Variants in LAT observed in about 807,000 individuals in gnomAD.
LAT encodes linker for activation of T-cells family member 1.
LAT carries 12 observed loss-of-function variants against 39.1 expected under a neutral mutation model. The observed-to-expected ratio is 0.31, with a 90% CI of 0.20 to 0.50. LAT has a LOEUF of 0.50. Among genes scored for constraint, LAT ranks in the 20% least tolerant of loss-of-function variants. LAT has a pLI of 0.98. For synonymous variants in LAT, 117 were observed against 123.8 expected (o/e 0.95, Z 0.36); for missense variants, 253 against 308.0 (o/e 0.82, Z 1.34).
chr16:28,985,679 C>A lies in LAT; in HGVS notation c.101-34C>A. 2 of 1,613,626 alleles carry A rather than the reference C, an allele frequency of 1.2e-6. No individual in the cohort carries two copies. Among genetic ancestry groups the A allele is most frequent in the Non-Finnish European group, 1.7e-6 (2 of 1,179,974 alleles). On this transcript the variant is annotated intron_variant, in intron 1 of 11. Transcript: ENST00000395456. This position sits in a 1 kb window ranked among gnomAD's most constrained non-coding sequence, Gnocchi z 4.6. ...CCAGCACCTTCTGCCCTAAGCACCC[C>A]CTGTTCCTGCCTCACCAGCCCTCTC...
intron 9 of LAT, 72 bp from the exon 10 acceptor site, chr16:28,989,702 G>T: frequency 1.3e-6 from 2 of 1,595,616 alleles, no homozygotes; most frequent in Non-Finnish European, 1.7e-6. Flanking sequence ...CCCTCTGTCT[G>T]GGCGTCCCCT....
rs963362178 is a variant in LAT, at chr16:28,990,269, A to G, written c.*88A>G. 5.9e-6 allele frequency: 4 copies of G among 673,144 alleles called. No individual in the cohort carries two copies. Among genetic ancestry groups the G allele is most frequent in the East Asian group, 2.9e-5 (1 of 34,990 alleles). 41.7% of individuals were successfully genotyped at this position (673,144 alleles called of 1,614,324 possible). On this transcript the variant is annotated 3_prime_UTR_variant, in exon 12 of 12. Transcript: ENST00000395456. ...CTGGAAGTGGCTCTGGGGTCCTCAC[A>G]TGGCGTCCTGCCCTTGCTCCAGCCT...
chr16:28,989,635 C>T (rs765075145), intron 9 of LAT, 46 bp downstream of exon 9: 3 of 1,590,102 alleles, frequency 1.9e-6, no homozygotes, highest in South Asian at 2.3e-5. Context: ...ACCCCGCTGC[C>T]CCACCATGCT....
Position 28,985,542 on chromosome 16 carries a change from C to A in LAT, c.100+25C>A. ...GGTGAGTGGGAAACTGGTGGGGGTA[C>A]CCAGGGCCCAGGGACACCGACGGGA... is the stretch of plus-strand genomic sequence containing the variant. On this transcript the variant is annotated intron_variant, in intron 1 of 11. Coordinates refer to ENST00000395456, the MANE Select transcript of LAT (RefSeq NM_001014987.2). The surrounding 1 kb of genome is among the most constrained non-coding windows in gnomAD (Gnocchi z 4.6). The A allele has an allele frequency of 6.2e-7, 1 of 1,609,672 alleles. No individual in the cohort carries two copies. Among genetic ancestry groups the A allele is most frequent in the African/African-American group, 1.3e-5 (1 of 74,966 alleles).
Position 28,990,010 on chromosome 16 carries a change from T to C in LAT, c.700T>C (p.Ter234ArgextTer42). The C allele has an allele frequency of 6.2e-7, 1 of 1,612,954 alleles. No homozygotes were observed. Among genetic ancestry groups the C allele is most frequent in the South Asian group, 1.1e-5 (1 of 90,952 alleles). The change falls in exon 11 of 12, where the codon TGA becomes CGA. Residue 234 changes from the stop codon to arginine, a stop_lost. Coordinates refer to ENST00000395456, the MANE Select transcript of LAT (RefSeq NM_001014987.2). The part of the protein sequence containing the change: ...PDYENLQELN[*>R] ...TTACGAGAATCTGCAGGAGCTGAAC[T>C]GAGGGCCTGGTGAGAGGCCTGCCCT...
rs535225629 is a variant in LAT at position 28,985,912 on chromosome 16, C to A, written c.163+24C>A. On this transcript the variant is annotated intron_variant, in intron 3 of 11. Coordinates refer to ENST00000395456, the MANE Select transcript of LAT (RefSeq NM_001014987.2). The surrounding 1 kb of genome is among the most constrained non-coding windows in gnomAD (Gnocchi z 4.6). ...TCGTGAGTACAAGGAGGGTCCCCTA[C>A]CTTGGGTGCCAGGGAGAGGGTCCCC... 54 of 1,613,178 alleles carry A rather than the reference C, an allele frequency of 3.3e-5. 2 individuals carry two copies. The South Asian group carries it at 5.6e-4, about 17-fold the overall frequency.
At position 28,986,414 on chromosome 16, in the gene LAT, G is replaced by A. The variant is rs149935445; in HGVS notation, c.278G>A (p.Arg93Gln). Residue 93 changes from arginine to glutamine, a missense_variant, in exon 5 of 12, where the codon CGG (arginine) becomes CAG (glutamine). Coordinates refer to ENST00000395456, the MANE Select transcript of LAT (RefSeq NM_001014987.2). The surrounding 1 kb of genome is among the most constrained non-coding windows in gnomAD (Gnocchi z 5.7). ...CCGCAGCCCCTTGGGGGCTCCCACC[G>A]GACGCCATCTTCCCGGCGGGATTCT... ...RSPQPLGGSH[R>Q]TPSSRRDSDG... The A allele has an allele frequency of 6.3e-5, 102 of 1,613,886 alleles. 1 individual carries two copies. Among genetic ancestry groups the A allele is most frequent in the Admixed American group, 5.0e-4 (30 of 60,018 alleles).
At chr16:28,989,210 A>G (rs1310446709) in intron 8 of LAT, 2 of 295,796 alleles carry the variant, frequency 6.8e-6, no homozygotes, top group Non-Finnish European at 1.3e-5. Flanking sequence ...GCCGCACTAC[A>G]TCCCTGCTCC....
upstream of LAT, chr16:28,984,822 G>C: frequency 2.6e-6 from 4 of 1,545,032 alleles, no homozygotes; most frequent in South Asian, 3.6e-5. Flanking sequence ...AATTCCCACT[G>C]TCAGGGCCTC....
Position 28,986,369 on chromosome 16 carries a change from C to G in LAT, c.246-13C>G. On this transcript the variant is annotated splice_polypyrimidine_tract_variant and intron_variant, in intron 4 of 11. Coordinates refer to ENST00000395456, the MANE Select transcript of LAT (RefSeq NM_001014987.2). This position sits in a 1 kb window ranked among gnomAD's most constrained non-coding sequence, Gnocchi z 5.7. ...CCCCACCTCAGGCATGACCCCTGAC[C>G]TTTGACTCCCAGAAGATCCCCGCAG... 1 of 1,613,542 alleles carries G rather than the reference C, an allele frequency of 6.2e-7. No homozygotes were observed. Among genetic ancestry groups the G allele is most frequent in the African/African-American group, 1.3e-5 (1 of 75,036 alleles).
rs780679331 is a variant in LAT, at chr16:28,989,884, C to T, written c.622+45C>T. On this transcript the variant is annotated intron_variant, in intron 10 of 11. Coordinates refer to ENST00000395456, the MANE Select transcript of LAT (RefSeq NM_001014987.2). The stretch of plus-strand genomic sequence containing the variant: ...CAGGAGCTGGGGTAGCTGCTTTGGG[C>T]TTGGGGGGATAGCTTGCAAGCTGGA... The T allele has an allele frequency of 1.9e-6, 3 of 1,613,590 alleles. No homozygotes were observed. The Admixed American group carries it at 5.0e-5, about 27-fold the overall frequency.
At position 28,985,831 on chromosome 16, in the gene LAT, C is replaced by T. The variant is rs182255709; in HGVS notation, c.129-23C>T. 3 of 1,614,110 alleles carry T rather than the reference C, an allele frequency of 1.9e-6. No individual in the cohort carries two copies. The highest frequency in any genetic ancestry group is 1.7e-4 in the Middle Eastern group (1 of 6,060). On this transcript the variant is annotated intron_variant, in intron 2 of 11. Transcript: ENST00000395456. The surrounding 1 kb of genome is among the most constrained non-coding windows in gnomAD (Gnocchi z 4.6). ...CATCCTCCATCTTCCAGCCCCATCC[C>T]CAAGCTGTGTCTCCTTTACCAGTTT...
Position 28,985,121 on chromosome 16 carries a change from G to C in LAT, c.-297G>C. On this transcript the variant is annotated 5_prime_UTR_variant, in exon 1 of 12. Coordinates refer to ENST00000395456, the MANE Select transcript of LAT (RefSeq NM_001014987.2). This position sits in a 1 kb window ranked among gnomAD's most constrained non-coding sequence, Gnocchi z 4.6. Reference sequence around the variant, plus strand: ...CGGGCGCCGAGGAGGGGCAGGTAGGGCTGGGACGCAGGGGTAACTGGATCC... The same window carrying C: ...CGGGCGCCGAGGAGGGGCAGGTAGGCCTGGGACGCAGGGGTAACTGGATCC... 1 of 1,428,698 alleles carries C rather than the reference G, an allele frequency of 7.0e-7. No homozygotes were observed. Among genetic ancestry groups the C allele is most frequent in the Non-Finnish European group, 9.1e-7 (1 of 1,096,562 alleles). The allele number at this position is 1,428,698 out of a possible 1,614,324, so 88.5% of individuals were successfully genotyped here.
At position 28,985,618 on chromosome 16, in the gene LAT, C is replaced by T. The variant is rs780506880; in HGVS notation, c.101-95C>T. The T allele has an allele frequency of 1.3e-4, 201 of 1,604,058 alleles. No individual in the cohort carries two copies. The Admixed American group carries it at 1.7e-3, about 14-fold the overall frequency. On this transcript the variant is annotated intron_variant, in intron 1 of 11. Coordinates refer to ENST00000395456, the MANE Select transcript of LAT (RefSeq NM_001014987.2). The surrounding 1 kb of genome is among the most constrained non-coding windows in gnomAD (Gnocchi z 4.6). The stretch of plus-strand genomic sequence containing the variant: ...TCTGTCCTGGCTCTGTCCCTGCCTC[C>T]GTCCTGATCCCAGCGCCTCTGAGAG...
In LAT at chr16:28,986,940, C is replaced by T. The variant is rs777710737; in HGVS notation, c.493+47C>T. 2.0e-6 allele frequency: 3 copies of T among 1,504,166 alleles called. No homozygotes were observed. The highest frequency in any genetic ancestry group is 2.3e-5 in the East Asian group (1 of 43,138). 93.2% of individuals were successfully genotyped at this position (1,504,166 alleles called of 1,614,324 possible). ...ATTTTTAAATTTTTTTAGGGATAGG[C>T]TGGAGTGCAGTGGTGCCATTGTAGC... On this transcript the variant is annotated intron_variant, in intron 8 of 11. Transcript: ENST00000395456. This position sits in a 1 kb window ranked among gnomAD's most constrained non-coding sequence, Gnocchi z 5.7.
Position 28,986,210 on chromosome 16 carries a change from C to T in LAT, c.239C>T (p.Pro80Leu), listed in dbSNP as rs1338961005. The T allele has an allele frequency of 6.3e-7, 1 of 1,598,690 alleles. No homozygotes were observed. ...CCCCTGAGCCAGCCAGACCTGCTCC[C>T]CATCCCGTGAGTAGCTGCTCAGCCC... ...YPPLSQPDLL[P>L]IPRSPQPLGG... The change falls in exon 4 of 12, where the codon CCC becomes CTC. Residue 80 changes from proline (P) to leucine (L), a missense_variant. Pro to Leu is a moderately conservative substitution (Grantham distance 98). Transcript: ENST00000395456. This position sits in a 1 kb window ranked among gnomAD's most constrained non-coding sequence, Gnocchi z 5.7.
rs749822295 is a variant in LAT, at chr16:28,986,724, CAGGTGGG to C, written c.398+23_398+29del. On this transcript the variant is annotated intron_variant, in intron 7 of 11. Transcript: ENST00000395456. This position sits in a 1 kb window ranked among gnomAD's most constrained non-coding sequence, Gnocchi z 5.7. ...ACAACCCAGGCTACCTGTGAGTGGCCAGGTGGGAGGTGGGAGGTGAGGGCTGAGGCTG... is the reference window on the plus strand; with the variant it reads ...ACAACCCAGGCTACCTGTGAGTGGCCAGGTGGGAGGTGAGGGCTGAGGCTG... 2 of 1,611,714 alleles carry C rather than the reference CAGGTGGG, an allele frequency of 1.2e-6. No individual in the cohort carries two copies. The highest frequency in any genetic ancestry group is 1.7e-6 in the Non-Finnish European group (2 of 1,178,518).
At chr16:28,989,441 T>C (rs1456926496) in intron 8 of LAT, 86 bp from the exon 9 acceptor site, 2 of 1,240,890 alleles carry the variant, frequency 1.6e-6, no homozygotes, top group African/African-American at 1.5e-5. Flanking sequence ...TGGGGAGCTC[T>C]GCATGGCTGA....
In LAT at chr16:28,986,238, G is replaced by GCCCCTCCAAAGCTCAGCCCCTC. The variant is rs753785101; in HGVS notation, c.245+33_245+54dup. 2 of 1,572,818 alleles carry GCCCCTCCAAAGCTCAGCCCCTC rather than the reference G, an allele frequency of 1.3e-6. No individual in the cohort carries two copies. Among genetic ancestry groups the GCCCCTCCAAAGCTCAGCCCCTC allele is most frequent in the Admixed American group, 1.8e-5 (1 of 56,722 alleles). ...TCCCGTGAGTAGCTGCTCAGCCCCT[G>GCCCCTCCAAAGCTCAGCCCCTC]CCCCTCCAAAGCTCAGCCCCTCCCC... On this transcript the variant is annotated intron_variant, in intron 4 of 11. Transcript: ENST00000395456. This position sits in a 1 kb window ranked among gnomAD's most constrained non-coding sequence, Gnocchi z 5.7.
Sources: gnomAD v4.1 joint callset for allele counts on GRCh38, gnomAD v4.1.1 for gene constraint, Gnocchi (gnomAD v3.1) non-coding constraint, MANE v1.5 for transcripts, NCBI Gene and HGNC (gene_info 2026-07-23, HGNC 2026-07-21) for gene names.